CCND3: variants seen among roughly 807,000 people sequenced by gnomAD.
The protein encoded by CCND3 is G1/S-specific cyclin-D3.
A neutral mutation model predicts 28.7 loss-of-function variants in CCND3; 9 were observed. That is an observed-to-expected ratio of 0.31 (90% CI 0.19 to 0.55). CCND3 has a LOEUF of 0.55. Among genes scored for constraint, CCND3 ranks in the 20% least tolerant of loss-of-function variants. CCND3 has a pLI of 0.93. For synonymous variants in CCND3, 164 were observed against 163.9 expected, an observed-to-expected ratio of 1.00 and a Z score of 0.00; for missense variants, 315 against 385.8, an observed-to-expected ratio of 0.82 and a Z score of 1.54.
intron 1 of CCND3, among the ~76,000 whole-genome samples, chr6:41,964,280 A>ATGTG (rs34167767): frequency 6.6e-6 from 1 of 151,362 alleles, no homozygotes; most frequent in African/African-American, 2.4e-5. Flanking sequence ...CAGCGTGTGT[A>ATGTG]TGTGTGTGTG....
intron 1 of CCND3, among the ~76,000 whole-genome samples, chr6:41,977,646 C>T (rs149551640): frequency 2.0e-5 from 3 of 152,208 alleles, no homozygotes; most frequent in Admixed American, 6.5e-5. Flanking sequence ...GGATTACAGG[C>T]GCGAACCACC....
intron 1 of CCND3, among the ~76,000 whole-genome samples, chr6:41,996,138 A>ATATTT (rs1424031677): frequency 2.0e-5 from 2 of 102,432 alleles, no homozygotes; most frequent in African/African-American, 6.1e-5. Flanking sequence ...ATATATATAT[A>ATATTT]TTTTTTTTGT....
intron 1 of CCND3, among the ~76,000 whole-genome samples, chr6:42,043,520 G>C (rs1158523253): frequency 2.0e-5 from 3 of 152,162 alleles, no homozygotes; most frequent in African/African-American, 7.2e-5. Context: ...GACAGAGTGA[G>C]ACTCCATTTC....
intron 1 of CCND3, among the ~76,000 whole-genome samples, chr6:41,970,710 C>T (rs1762011466): frequency 6.6e-6 from 1 of 152,326 alleles, no homozygotes; most frequent in South Asian, 2.1e-4. Context: ...CCACACACTA[C>T]ACCCATGCGC....
At chr6:41,950,090 TAA>T (rs397697588) in intron 1 of CCND3, among the ~76,000 whole-genome samples, 48 of 138,528 alleles carry the variant, frequency 3.5e-4, no homozygotes, top group Admixed American at 5.8e-4. Flanking sequence ...AGAGCAAGAT[TAA>T]AAAAAAAAAA....
intron 1 of CCND3, among the ~76,000 whole-genome samples, chr6:41,949,546 G>A: frequency 6.6e-6 from 1 of 152,078 alleles, no homozygotes; most frequent in East Asian, 1.9e-4. Context: ...GCTCACACCT[G>A]TAATCCCAGC....
chr6:41,942,257 G>A (rs1776058445), upstream of CCND3, among the ~76,000 whole-genome samples: 2 of 152,180 alleles, frequency 1.3e-5, no homozygotes, highest in Admixed American at 6.5e-5. Context: ...CTCGGAAACC[G>A]AGGCAACTGT....
chr6:42,000,234 CTTTTTTTTTTT>C (rs70987562), intron 1 of CCND3, among the ~76,000 whole-genome samples: 28 of 51,032 alleles, frequency 5.5e-4, no homozygotes, highest in Admixed American at 1.1e-3. Context: ...TGAAAACATA[CTTTTTTTTTTT>C]TTTTTTTTTT....
At chr6:41,973,449 T>C (rs1481599332) in intron 1 of CCND3, among the ~76,000 whole-genome samples, 1 of 152,218 alleles carries the variant, frequency 6.6e-6, no homozygotes, top group African/African-American at 2.4e-5. Context: ...TATAACCTTA[T>C]AATAGAATAT....
At chr6:42,026,844 A>G (rs1174443533) in intron 1 of CCND3, among the ~76,000 whole-genome samples, 5 of 152,174 alleles carry the variant, frequency 3.3e-5, no homozygotes, top group African/African-American at 1.2e-4. Context: ...CCCAGCAGCC[A>G]TGGTGGGATG....
chr6:41,998,294 A>G (rs1420316448), intron 1 of CCND3, among the ~76,000 whole-genome samples: 4 of 151,900 alleles, frequency 2.6e-5, no homozygotes, highest in Non-Finnish European at 5.9e-5. Flanking sequence ...CCTCAAAAAA[A>G]AAAAAAAAAG....
At chr6:42,004,756 A>C (rs1763129719) in intron 1 of CCND3, among the ~76,000 whole-genome samples, 1 of 152,098 alleles carries the variant, frequency 6.6e-6, no homozygotes, top group South Asian at 2.1e-4. Context: ...AGAAAGAATA[A>C]CTATTTATTA....
chr6:42,011,092 G>C (rs1763333863), intron 1 of CCND3: 2 of 151,978 alleles, frequency 1.3e-5, no homozygotes, highest in African/African-American at 4.8e-5. Context: ...ATGAATGAAT[G>C]AATGAATGAA....
Position 41,937,265 on chromosome 6 carries a change from C to T in CCND3, c.544G>A (p.Ala182Thr). ...RDRQALVKKHAQTFLALCATD... is the reference protein window; with the variant it reads ...RDRQALVKKHTQTFLALCATD... ...GCACAGAGGGCCAAAAAGGTCTGGG[C>T]ATGCTTTTTGACCAAGGCCTGTCGG... The change falls in exon 3 of 5, where the codon GCC (alanine) becomes ACC (threonine). Residue 182 changes from alanine (A) to threonine (T), a missense_variant. Ala to Thr is a moderately conservative substitution (Grantham distance 58). Coordinates refer to ENST00000372991, the MANE Select transcript of CCND3 (RefSeq NM_001760.5). 1 of 1,614,174 alleles carries T rather than the reference C, an allele frequency of 6.2e-7. No homozygotes were observed. Among genetic ancestry groups the T allele is most frequent in the South Asian group, 1.1e-5 (1 of 91,080 alleles).
intron 1 of CCND3, chr6:41,940,983 C>T (rs754682349): frequency 3.0e-5 from 49 of 1,612,870 alleles, no homozygotes; most frequent in Non-Finnish European, 4.0e-5. Context: ...CCTGCCGCTG[C>T]CTCCTGCACT....
chr6:42,017,780 A>G lies in CCND3; in HGVS notation c.-46+30721T>C, dbSNP rs73733067. On this transcript the variant is annotated intron_variant, in intron 1 of 4. Transcript: ENST00000372988. ...ATTGACATACAAAAAACAGTTTATT[A>G]AAAGGTTGTGTAGGTAGAAGGCAAA... is the stretch of plus-strand genomic sequence containing the variant. 4.2e-3 allele frequency among the ~76,000 whole-genome samples: 643 copies of G among 152,342 alleles called. 4 individuals carry two copies. The highest frequency in any genetic ancestry group is 0.014 in the African/African-American group (599 of 41,582).
At chr6:42,045,837 T>A (rs1764525451) in intron 1 of CCND3, among the ~76,000 whole-genome samples, 1 of 152,150 alleles carries the variant, frequency 6.6e-6, no homozygotes, top group African/African-American at 2.4e-5. Flanking sequence ...TCCCTAAACT[T>A]CCTCTTGTGG....
upstream of CCND3, among the ~76,000 whole-genome samples, chr6:42,049,300 G>C (rs1764654722): frequency 6.6e-6 from 1 of 152,166 alleles, no homozygotes; most frequent in Admixed American, 6.5e-5. Context: ...GCCTCTCAAA[G>C]TGCTGGGATT....
chr6:41,970,755 G>C (rs1404999755), intron 1 of CCND3, among the ~76,000 whole-genome samples: 1 of 152,168 alleles, frequency 6.6e-6, no homozygotes, highest in Admixed American at 6.5e-5. Context: ...GTGCCCAACT[G>C]ACAGTGCCTG....
Sources: allele counts gnomAD v4.1 joint callset (sites outside exome capture counted in the v4.1 genomes callset), GRCh38; gene constraint gnomAD v4.1.1; transcripts MANE v1.5; gene names NCBI Gene and HGNC (gene_info 2026-07-23, HGNC 2026-07-21).